The following NFYC variants were observed in gnomAD, a reference collection of about 807,000 sequenced individuals.
NFYC encodes nuclear transcription factor Y subunit gamma.
A neutral mutation model predicts 53.1 loss-of-function variants in NFYC; 25 were observed. The ratio of observed to expected loss-of-function variants is 0.47; its 90% CI spans 0.34 to 0.66. The LOEUF is 0.66. NFYC is among the 30% of genes least tolerant of loss of function. The pLI is 0.01. For missense variants in NFYC, 260 were observed against 422.7 expected (o/e 0.62, Z 3.38); for synonymous variants, 145 against 152.6 (o/e 0.95, Z 0.37).
rs559666305 is a variant in NFYC, at chr1:40,728,007, C to T, written c.-8-10829C>T. 1.9e-4 allele frequency among the ~76,000 whole-genome samples: 29 copies of T among 151,936 alleles called. No individual in the cohort carries two copies. In the South Asian group the frequency reaches 2.5e-3, roughly 13 times the overall value. On this transcript the variant is annotated intron_variant, in intron 1 of 9. Coordinates refer to ENST00000447388, the MANE Select transcript of NFYC (RefSeq NM_014223.5). Reference sequence around the variant, plus strand: ...AGGCTGGAGTGCAGTGGTGTGATCTCGGATCACTGCAGCCTCATGCTTTGG... The same window carrying T: ...AGGCTGGAGTGCAGTGGTGTGATCTTGGATCACTGCAGCCTCATGCTTTGG...
intron 1 of NFYC, among the ~76,000 whole-genome samples, chr1:40,737,196 G>A (rs1645077125): frequency 6.6e-6 from 1 of 150,518 alleles, no homozygotes; most frequent in East Asian, 1.9e-4. Flanking sequence ...CAGAATTTCA[G>A]ATAAGGGATA....
At chr1:40,710,552 C>A (rs879271507) in intron 1 of NFYC, among the ~76,000 whole-genome samples, 2 of 152,090 alleles carry the variant, frequency 1.3e-5, no homozygotes, top group Admixed American at 1.3e-4. Context: ...AAATGCAATT[C>A]TTTGTTTTCT....
intron 1 of NFYC, among the ~76,000 whole-genome samples, chr1:40,696,490 G>A (rs1328118468): frequency 2.0e-5 from 3 of 152,240 alleles, no homozygotes; most frequent in Non-Finnish European, 2.9e-5. Flanking sequence ...CCAAAAGAGT[G>A]AGATGACCTT....
intron 1 of NFYC, among the ~76,000 whole-genome samples, chr1:40,701,881 A>G (rs1643452419): frequency 6.6e-6 from 1 of 152,226 alleles, no homozygotes; most frequent in African/African-American, 2.4e-5. Flanking sequence ...AATAACTAGC[A>G]CGAGGTCACT....
intron 1 of NFYC, among the ~76,000 whole-genome samples, chr1:40,732,467 T>G (rs1478974090): frequency 6.6e-6 from 1 of 152,234 alleles, no homozygotes; most frequent in Non-Finnish European, 1.5e-5. Flanking sequence ...ACTCTGATTT[T>G]GGGATGTTTT....
At chr1:40,747,630 T>G (rs905825170) in intron 3 of NFYC, 25 bp downstream of exon 3, 21 of 1,520,944 alleles carry the variant, frequency 1.4e-5, no homozygotes, top group African/African-American at 2.7e-5. Flanking sequence ...ATTTTTATTA[T>G]TTCTTATTGA....
Position 40,698,362 on chromosome 1 carries a change from T to C in NFYC, c.-9+6495T>C, listed in dbSNP as rs1363541190. On this transcript the variant is annotated intron_variant, in intron 1 of 9. Transcript: ENST00000447388. Reference sequence around the variant, plus strand: ...GGGTGACAGAACGGGATTCCCTCTTTGAAAAAAAAAAAAAAATTCACGTTC... The same window carrying C: ...GGGTGACAGAACGGGATTCCCTCTTCGAAAAAAAAAAAAAAATTCACGTTC... 4.0e-4 allele frequency among the ~76,000 whole-genome samples: 60 copies of C among 149,514 alleles called. 1 individual carries two copies. The highest frequency in any genetic ancestry group is 3.8e-3 in the Admixed American group (57 of 15,076).
chr1:40,721,449 G>C (rs377752789), intron 1 of NFYC, among the ~76,000 whole-genome samples: 2 of 152,268 alleles, frequency 1.3e-5, no homozygotes, highest in East Asian at 1.9e-4. Flanking sequence ...CTGGACTCCA[G>C]GTTTCCTCTA....
Position 40,753,149 on chromosome 1 carries a change from A to G in NFYC, c.292-2A>G, listed in dbSNP as rs1557883211. On this transcript the variant is annotated splice_acceptor_variant, in intron 4 of 9. Coordinates refer to ENST00000447388, the MANE Select transcript of NFYC (RefSeq NM_014223.5). LOFTEE classifies it high-confidence loss of function. ...TTTTCACACCGCTCTTCTTTGTTAC[A>G]GAGAAATGATATCGCCATGGCAATT... 2 of 1,608,624 alleles carry G rather than the reference A, an allele frequency of 1.2e-6. No individual in the cohort carries two copies. Among genetic ancestry groups the G allele is most frequent in the Admixed American group, 1.7e-5 (1 of 59,980 alleles).
At chr1:40,710,682 G>A (rs1295581881) in intron 1 of NFYC, among the ~76,000 whole-genome samples, 2 of 152,140 alleles carry the variant, frequency 1.3e-5, no homozygotes, top group East Asian at 1.9e-4. Context: ...CCTATTAGAG[G>A]AGAAGTTTCG....
At chr1:40,705,743 A>ATATT (rs1001079032) in intron 1 of NFYC, among the ~76,000 whole-genome samples, 4 of 152,202 alleles carry the variant, frequency 2.6e-5, no homozygotes, top group South Asian at 2.1e-4. Flanking sequence ...TTAAATTTTA[A>ATATT]TATTTATTTA....
At chr1:40,695,085 A>G (rs1444386422) in intron 1 of NFYC, among the ~76,000 whole-genome samples, 1 of 152,066 alleles carries the variant, frequency 6.6e-6, no homozygotes, top group African/African-American at 2.4e-5. Context: ...ACAAAATTAC[A>G]AAAATTAGCC....
At chr1:40,733,318 G>A (rs1644863509) in intron 1 of NFYC, among the ~76,000 whole-genome samples, 1 of 151,602 alleles carries the variant, frequency 6.6e-6, no homozygotes, top group African/African-American at 2.4e-5. Context: ...CCAGAAAGCA[G>A]TAGAGAATAC....
chr1:40,735,212 A>G (rs887442258), intron 1 of NFYC: 2 of 148,672 alleles, frequency 1.3e-5, no homozygotes, highest in South Asian at 2.1e-4. Flanking sequence ...CTGAACTTCT[A>G]TGATGCAGTA....
intron 8 of NFYC, chr1:40,767,212 T>G (rs823680): frequency 2.2e-5 from 11 of 495,162 alleles, no homozygotes; most frequent in East Asian, 7.5e-5. Flanking sequence ...GGGGGCTGCC[T>G]CCCTGGGCTT....
chr1:40,734,674 T>TAA (rs1644936320), intron 1 of NFYC, among the ~76,000 whole-genome samples: 1 of 152,164 alleles, frequency 6.6e-6, no homozygotes, highest in African/African-American at 2.4e-5. Flanking sequence ...TTTATATATA[T>TAA]AATATTAATT....
At chr1:40,749,333 T>A (rs950108414) in intron 3 of NFYC, among the ~76,000 whole-genome samples, 1 of 152,180 alleles carries the variant, frequency 6.6e-6, no homozygotes, top group African/African-American at 2.4e-5. Flanking sequence ...AAGGCTATTA[T>A]AAGAGTAAGA....
At chr1:40,705,133 G>A (rs555714883) in intron 1 of NFYC, among the ~76,000 whole-genome samples, 2 of 152,298 alleles carry the variant, frequency 1.3e-5, no homozygotes, top group South Asian at 4.1e-4. Context: ...TTACAGATAA[G>A]GAAACTGAGG....
At chr1:40,759,654 G>A (rs1300829879) in intron 6 of NFYC, among the ~76,000 whole-genome samples, 3 of 152,044 alleles carry the variant, frequency 2.0e-5, no homozygotes, top group African/African-American at 4.8e-5. Flanking sequence ...ATGAGTAGCT[G>A]AGAAAGATGT....
Sources: gnomAD v4.1 joint callset for allele counts (sites outside exome capture counted in the v4.1 genomes callset) on GRCh38, gnomAD v4.1.1 for gene constraint, MANE v1.5 for transcripts, NCBI Gene and HGNC (gene_info 2026-07-23, HGNC 2026-07-21) for gene names.